The following BTLA variants were observed in gnomAD, a reference collection of about 807,000 sequenced individuals.
BTLA encodes B- and T-lymphocyte attenuator.
In BTLA, 11 loss-of-function variants were observed where a neutral mutation model predicts 25.0. That is an observed-to-expected ratio of 0.44 (90% CI 0.28 to 0.73). The LOEUF (loss-of-function observed/expected upper bound fraction) is 0.73, where lower values mean the gene tolerates loss of function less well. Among genes scored for constraint, BTLA ranks in the 30% least tolerant of loss-of-function variants. The probability of loss-of-function intolerance (pLI) is 0.15; values close to 1 mark genes in which losing one functional copy is unlikely to be tolerated. For missense variants in BTLA, 282 were observed against 332.8 expected, an observed-to-expected ratio of 0.85 and a Z score of 1.19; for synonymous variants, 104 against 119.8, an observed-to-expected ratio of 0.87 and a Z score of 0.86.
intron 1 of BTLA, among the ~76,000 whole-genome samples, chr3:112,491,214 G>T (rs984498706): frequency 6.6e-6 from 1 of 152,154 alleles, no homozygotes; most frequent in African/African-American, 2.4e-5. Flanking sequence ...CCAATGGAAA[G>T]TTTAAGTTAC....
chr3:112,477,952 G>C (rs904310265), intron 2 of BTLA, among the ~76,000 whole-genome samples: 2 of 150,932 alleles, frequency 1.3e-5, no homozygotes, highest in African/African-American at 4.9e-5. Flanking sequence ...GTTTATTCTG[G>C]ACTCTCAATT....
chr3:112,499,137 T>C lies in BTLA; in HGVS notation c.88+134A>G, dbSNP rs768544138. On this transcript the variant is annotated intron_variant, in intron 1 of 4. Coordinates refer to ENST00000334529, the MANE Select transcript of BTLA (RefSeq NM_181780.4). The stretch of plus-strand genomic sequence containing the variant: ...CTCTACGATGTCTTCGGTAAGCAAA[T>C]GTAACAGCTTGGTTTCATCTACGAT... 9.6e-6 allele frequency: 6 copies of C among 627,910 alleles called. No homozygotes were observed. In the Middle Eastern group the frequency reaches 1.3e-3, roughly 136 times the overall value. The allele number at this position is 627,910 out of a possible 1,614,324, so 38.9% of individuals were successfully genotyped here.
chr3:112,484,886 T>C (rs1268451297), intron 1 of BTLA, among the ~76,000 whole-genome samples: 1 of 152,140 alleles, frequency 6.6e-6, no homozygotes, highest in Non-Finnish European at 1.5e-5. Context: ...AATGAACCGA[T>C]GATGAATGTA....
chr3:112,485,113 C>T (rs111650537), intron 1 of BTLA, among the ~76,000 whole-genome samples: 5 of 152,000 alleles, frequency 3.3e-5, no homozygotes, highest in South Asian at 2.1e-4. Context: ...GATGCAATTT[C>T]GGCTCACTGC....
At chr3:112,478,131 A>C (rs2082298962) in intron 2 of BTLA, among the ~76,000 whole-genome samples, 1 of 151,896 alleles carries the variant, frequency 6.6e-6, no homozygotes, top group South Asian at 2.1e-4. Context: ...TGTGAATTTT[A>C]GGATCAGCTT....
rs542760217 is a variant in BTLA, at chr3:112,477,949, C to G, written c.403+1506G>C. 4.0e-5 allele frequency among the ~76,000 whole-genome samples: 6 copies of G among 151,582 alleles called. No homozygotes were observed. In the South Asian group the frequency reaches 1.2e-3, roughly 32 times the overall value. ...TGACTACGGATGTATGGAGTTTATT[C>G]TGGACTCTCAATTCTATTTACATTG... On this transcript the variant is annotated intron_variant, in intron 2 of 4. Transcript: ENST00000334529.
At chr3:112,473,908 G>A (rs528798475) in intron 2 of BTLA, among the ~76,000 whole-genome samples, 21 of 152,196 alleles carry the variant, frequency 1.4e-4, no homozygotes, top group African/African-American at 3.9e-4. Flanking sequence ...GAGCCACCAC[G>A]CCCAGCCTTG....
rs929370242 is a variant in BTLA at position 112,473,604 on chromosome 3, T to A, written c.404-2249A>T. 7.5e-5 allele frequency among the ~76,000 whole-genome samples: 11 copies of A among 145,838 alleles called. No individual in the cohort carries two copies. In the East Asian group the frequency reaches 1.2e-3, roughly 16 times the overall value. On this transcript the variant is annotated intron_variant, in intron 2 of 4. Transcript: ENST00000334529. ...TCACATTTTGGGGAAGTTCTTTTTT[T>A]CTTCTTCTTTTTTTTTTTTTTTTTT...
Position 112,499,429 on chromosome 3 carries a change from A to T in BTLA, c.-71T>A, listed in dbSNP as rs1299973338. The T allele has an allele frequency of 1.1e-4, 141 of 1,284,044 alleles. No individual in the cohort carries two copies. The highest frequency in any genetic ancestry group is 1.5e-4 in the Non-Finnish European group (138 of 919,884). The allele number at this position is 1,284,044 out of a possible 1,614,324, so 79.5% of individuals were successfully genotyped here. A position where few individuals can be genotyped will look rare whatever the true frequency, so the allele number is the denominator to read the frequency against. ...TTGCTTCGTCTTCTGAGTGCTGCAG[A>T]GTTGGGTCAGTTTACCTACCCCAGT... is the stretch of plus-strand genomic sequence containing the variant. On this transcript the variant is annotated 5_prime_UTR_variant, in exon 1 of 5. Transcript: ENST00000334529.
chr3:112,489,504 T>G (rs1007661274), intron 1 of BTLA, among the ~76,000 whole-genome samples: 22 of 152,226 alleles, frequency 1.4e-4, no homozygotes, highest in African/African-American at 4.8e-4. Flanking sequence ...CTTACAAATT[T>G]ATGGAAACTT....
intron 4 of BTLA, 84 bp from the exon 5 acceptor site, chr3:112,466,467 TA>T: frequency 7.9e-7 from 1 of 1,264,416 alleles, no homozygotes; most frequent in Non-Finnish European, 1.1e-6. Context: ...ATGAAAAGCT[TA>T]AATGGAGTCA....
intron 2 of BTLA, among the ~76,000 whole-genome samples, chr3:112,477,532 A>G (rs553957227): frequency 6.6e-6 from 1 of 152,068 alleles, no homozygotes; most frequent in Non-Finnish European, 1.5e-5. Context: ...TTTTAAAATT[A>G]GGTTGCCAGT....
chr3:112,466,143 G>T lies in BTLA; in HGVS notation c.835C>A (p.Pro279Thr). The change falls in exon 5 of 5, where the codon CCA (proline) becomes ACA (threonine). Residue 279 changes from proline (P) to threonine (T), a missense_variant. Around this residue, in one of 2 missense-constraint regions of BTLA, gnomAD observed 119 missense variants for 102.3 expected, o/e 1.16. Coordinates refer to ENST00000334529, the MANE Select transcript of BTLA (RefSeq NM_181780.4). ...ACACATATGGATGCATATTCTGTTGGTGCTTCTTTTACATTTCTTGCCAGT... is the reference window on the plus strand; with the variant it reads ...ACACATATGGATGCATATTCTGTTGTTGCTTCTTTTACATTTCTTGCCAGT... The part of the protein sequence containing the change: ...SRLARNVKEA[P>T]TEYASICVRS The T allele has an allele frequency of 6.2e-7, 1 of 1,608,562 alleles. No homozygotes were observed. The highest frequency in any genetic ancestry group is 2.2e-5 in the East Asian group (1 of 44,688).
intron 4 of BTLA, among the ~76,000 whole-genome samples, chr3:112,468,325 T>C (rs1576676249): frequency 6.6e-6 from 1 of 152,212 alleles, no homozygotes; most frequent in East Asian, 1.9e-4. Flanking sequence ...ACCAGTTCCT[T>C]TCCTGTCATG....
At chr3:112,480,533 T>A (rs1416166909) in intron 1 of BTLA, among the ~76,000 whole-genome samples, 2 of 152,164 alleles carry the variant, frequency 1.3e-5, no homozygotes, top group Non-Finnish European at 2.9e-5. Context: ...GGTGCCAGCA[T>A]CTAGCAAAGG....
intron 1 of BTLA, among the ~76,000 whole-genome samples, chr3:112,493,078 A>G (rs951420022): frequency 3.9e-5 from 6 of 152,198 alleles, no homozygotes; most frequent in Non-Finnish European, 7.3e-5. Flanking sequence ...CATAACCATG[A>G]GAGTATACCA....
At chr3:112,474,045 A>C (rs1379419244) in intron 2 of BTLA, among the ~76,000 whole-genome samples, 1 of 152,140 alleles carries the variant, frequency 6.6e-6, no homozygotes, top group Non-Finnish European at 1.5e-5. Context: ...CTTGTTGTGC[A>C]AGGTGCTTTT....
Position 112,498,450 on chromosome 3 carries a change from T to A in BTLA, c.88+821A>T, listed in dbSNP as rs555919528. On this transcript the variant is annotated intron_variant, in intron 1 of 4. Transcript: ENST00000334529. ...CTCTTGTCTCAAAAAAATAAAAAAA[T>A]AAAACCTGAAAAATCAGAAGCTTCT... Among the ~76,000 whole-genome samples, 7 of 150,364 alleles carry A rather than the reference T, an allele frequency of 4.7e-5. No individual in the cohort carries two copies. The South Asian group carries it at 1.1e-3, about 24-fold the overall frequency.
chr3:112,472,876 C>T (rs2082270383), intron 2 of BTLA, among the ~76,000 whole-genome samples: 1 of 151,904 alleles, frequency 6.6e-6, no homozygotes, highest in Non-Finnish European at 1.5e-5. Flanking sequence ...AGCAGCCAAA[C>T]CACTGCCAGG....
Sources: allele counts gnomAD v4.1 joint callset (sites outside exome capture counted in the v4.1 genomes callset), GRCh38; gene constraint gnomAD v4.1.1; regional missense constraint gnomAD v4.1.1; transcripts MANE v1.5; gene names NCBI Gene and HGNC (gene_info 2026-07-23, HGNC 2026-07-21).